XYLB: variants seen among roughly 807,000 people sequenced by gnomAD.
XYLB encodes the protein xylulokinase.
XYLB carries 62 observed loss-of-function variants against 78.7 expected under a neutral mutation model. The observed-to-expected ratio is 0.79, with a 90% CI of 0.64 to 0.97. The LOEUF (loss-of-function observed/expected upper bound fraction) is 0.97, where lower values mean the gene tolerates loss of function less well. Among genes scored for constraint, XYLB ranks in the 50% least tolerant of loss-of-function variants. The pLI, the probability that XYLB is intolerant of heterozygous loss-of-function variation, is 0.00. For synonymous variants in XYLB, 245 were observed against 247.4 expected, an observed-to-expected ratio of 0.99 and a Z score of 0.09; for missense variants, 687 against 676.8, an observed-to-expected ratio of 1.02 and a Z score of -0.17.
intron 9 of XYLB, chr3:38,370,399 G>A: frequency 2.4e-6 from 1 of 415,496 alleles, no homozygotes; most frequent in East Asian, 3.6e-5. Flanking sequence ...ATGCCTTATG[G>A]TCAGCGGGAC....
At chr3:38,452,518 C>T in the XYLB span, 2 of 152,064 alleles carry the variant, frequency 1.3e-5, no homozygotes, top group African/African-American at 4.8e-5. Context: ...GCAACCTCCG[C>T]CTCCCTCCTG....
At chr3:38,374,648 T>C in intron 11 of XYLB, 146 bp downstream of exon 11, 1 of 953,200 alleles carries the variant, frequency 1.0e-6, no homozygotes, top group Non-Finnish European at 1.6e-6. Context: ...TATCAGAGTG[T>C]CTGCCGGTTC....
At chr3:38,421,115 G>T (rs955680670), downstream of XYLB, 3 of 152,254 alleles carry the variant, frequency 2.0e-5, no homozygotes, top group Non-Finnish European at 4.4e-5. Context: ...GTCAATAAAT[G>T]TGTGGGTCAA....
intron 18 of XYLB, among the ~76,000 whole-genome samples, chr3:38,402,508 T>C (rs1708159978): frequency 6.6e-6 from 1 of 152,226 alleles, no homozygotes; most frequent in Non-Finnish European, 1.5e-5. Flanking sequence ...TGAGAGGCTA[T>C]TTTTCTCTCA....
downstream of XYLB, among the ~76,000 whole-genome samples, chr3:38,423,519 T>C (rs1021944446): frequency 1.3e-5 from 2 of 152,248 alleles, no homozygotes; most frequent in Admixed American, 1.3e-4. Flanking sequence ...TTAATAGTCA[T>C]AGATTTAAAA....
intron 18 of XYLB, among the ~76,000 whole-genome samples, chr3:38,411,389 G>T (rs1199572903): frequency 1.3e-5 from 2 of 151,960 alleles, no homozygotes; most frequent in Non-Finnish European, 2.9e-5. Context: ...GTGGGGTGGG[G>T]GGAGAGGGGA....
downstream of XYLB, among the ~76,000 whole-genome samples, chr3:38,423,360 C>A (rs768964138): frequency 6.6e-6 from 1 of 152,224 alleles, no homozygotes; most frequent in Non-Finnish European, 1.5e-5. Context: ...GTGTGAGCCA[C>A]CATGCCCAGC....
At chr3:38,367,215 G>T (rs1441202225) in intron 7 of XYLB, among the ~76,000 whole-genome samples, 1 of 152,174 alleles carries the variant, frequency 6.6e-6, no homozygotes, top group African/African-American at 2.4e-5. Context: ...GTTAACGCAG[G>T]AGGGCTACCA....
At chr3:38,443,857 T>C in the XYLB span, among the ~76,000 whole-genome samples, 13 of 152,192 alleles carry the variant, frequency 8.5e-5, no homozygotes, top group Non-Finnish European at 1.0e-4. Flanking sequence ...CATTGAATAA[T>C]TCATGGGCTT....
At chr3:38,374,142 C>G (rs1706720712) in intron 10 of XYLB, among the ~76,000 whole-genome samples, 1 of 152,124 alleles carries the variant, frequency 6.6e-6, no homozygotes, top group African/African-American at 2.4e-5. Flanking sequence ...TGCTGTATAT[C>G]CTTGGTGTCT....
At chr3:38,415,754 C>T (rs1482114967), downstream of XYLB, among the ~76,000 whole-genome samples, 2 of 152,112 alleles carry the variant, frequency 1.3e-5, no homozygotes, top group African/African-American at 4.8e-5. Flanking sequence ...TTCACTCCAG[C>T]CTGGGCAACA....
At chr3:38,391,976 G>A (rs1390809925) in intron 15 of XYLB, among the ~76,000 whole-genome samples, 1 of 152,156 alleles carries the variant, frequency 6.6e-6, no homozygotes, top group Non-Finnish European at 1.5e-5. Context: ...GTCATTTCAA[G>A]TTCCTCTTCA....
intron 3 of XYLB, 36 bp downstream of exon 3, chr3:38,360,444 A>G (rs1705905290): frequency 1.3e-6 from 2 of 1,527,930 alleles, no homozygotes; most frequent in South Asian, 1.3e-5. Flanking sequence ...TTCTATCCCC[A>G]GGCTGTCTCA....
chr3:38,351,895 T>G (rs891087985), intron 2 of XYLB, among the ~76,000 whole-genome samples: 4 of 152,260 alleles, frequency 2.6e-5, no homozygotes, highest in African/African-American at 9.6e-5. Context: ...TGATGTTGTA[T>G]GGATGGACTA....
At chr3:38,396,414 T>A (rs1707871636) in intron 16 of XYLB, among the ~76,000 whole-genome samples, 1 of 152,178 alleles carries the variant, frequency 6.6e-6, no homozygotes, top group South Asian at 2.1e-4. Context: ...GGAGGTTAAA[T>A]CTCCTGTGAG....
At chr3:38,385,146 GCGC>G (rs1389454933) in intron 15 of XYLB, among the ~76,000 whole-genome samples, 1 of 152,054 alleles carries the variant, frequency 6.6e-6, no homozygotes, top group Non-Finnish European at 1.5e-5. Context: ...GATTACAGGT[GCGC>G]GCCATACCAC....
chr3:38,424,146 G>C (rs1709055583), downstream of XYLB, among the ~76,000 whole-genome samples: 1 of 152,120 alleles, frequency 6.6e-6, no homozygotes, highest in Admixed American at 6.5e-5. Flanking sequence ...CAAATAAATA[G>C]AATAGATCCA....
intron 15 of XYLB, among the ~76,000 whole-genome samples, chr3:38,382,319 A>T (rs894193370): frequency 1.3e-5 from 2 of 152,178 alleles, no homozygotes; most frequent in African/African-American, 4.8e-5. Context: ...CAAAAAAAAT[A>T]AAAAAAGCAG....
At chr3:38,376,416 G>T (rs1385480223) in intron 13 of XYLB, among the ~76,000 whole-genome samples, 184 bp downstream of exon 13, 3 of 152,208 alleles carry the variant, frequency 2.0e-5, no homozygotes, top group Non-Finnish European at 4.4e-5. Flanking sequence ...TTCTGAGCAA[G>T]GGTGGGGCTG....
Sources: allele counts gnomAD v4.1 joint callset (sites outside exome capture counted in the v4.1 genomes callset), GRCh38; gene constraint gnomAD v4.1.1; transcripts MANE v1.5; gene names NCBI Gene and HGNC (gene_info 2026-07-23, HGNC 2026-07-21).